Variants in RGS12 observed in about 807,000 individuals in gnomAD.
The protein encoded by RGS12 is regulator of G protein signaling 12, also known as regulator of G-protein signaling 12.
RGS12 carries 66 observed loss-of-function variants against 120.1 expected under a neutral mutation model. The ratio of observed to expected loss-of-function variants is 0.55; its 90% confidence interval spans 0.45 to 0.67. RGS12 has a LOEUF of 0.67. Ranked by LOEUF, RGS12 falls within the 30% of genes least tolerant of loss-of-function variation. The pLI, the probability that RGS12 is intolerant of heterozygous loss-of-function variation, is 0.00. For synonymous variants in RGS12, 827 were observed against 804.7 expected (o/e 1.03, Z -0.47); for missense variants, 1,859 against 1,957.7 (o/e 0.95, Z 0.95).
intron 4 of RGS12, among the ~76,000 whole-genome samples, chr4:3,412,193 C>T (rs1389579033): frequency 1.3e-5 from 2 of 152,194 alleles, no homozygotes; most frequent in Non-Finnish European, 2.9e-5. Flanking sequence ...TGACTCCTGC[C>T]GAGCGTAGCC....
chr4:3,394,875 A>T (rs889157115), intron 4 of RGS12, among the ~76,000 whole-genome samples: 3 of 152,180 alleles, frequency 2.0e-5, no homozygotes, highest in African/African-American at 7.2e-5. Flanking sequence ...AACTTAAAAA[A>T]AAAAGAAGAC....
chr4:3,297,747 C>T (rs1413437951), intron 1 of RGS12, among the ~76,000 whole-genome samples: 1 of 152,204 alleles, frequency 6.6e-6, no homozygotes, highest in African/African-American at 2.4e-5. Context: ...TTGCCCTGGT[C>T]TCCAGGAGAC....
rs186664669 is a variant in RGS12 at position 3,391,311 on chromosome 4, G to A, written c.2020+4874G>A. On this transcript the variant is annotated intron_variant, in intron 4 of 17. Transcript: ENST00000336727. ...CTTGATTTCTGCCAGGATGCCTTCC[G>A]ATGTACTTGTTTCTTTCCAATTCTA... Among the ~76,000 whole-genome samples, 8 of 152,310 alleles carry A rather than the reference G, an allele frequency of 5.3e-5. No individual in the cohort carries two copies. In the East Asian group the frequency reaches 1.3e-3, roughly 26 times the overall value.
chr4:3,429,106 C>G (rs1723975367), intron 16 of RGS12, among the ~76,000 whole-genome samples: 1 of 152,196 alleles, frequency 6.6e-6, no homozygotes, highest in African/African-American at 2.4e-5. Flanking sequence ...GAGCTGGGCA[C>G]CCAGGTGAGG....
intron 3 of RGS12, among the ~76,000 whole-genome samples, chr4:3,351,012 G>C (rs941083547): frequency 6.6e-6 from 1 of 151,824 alleles, no homozygotes; most frequent in Non-Finnish European, 1.5e-5. Flanking sequence ...TTGACAAAAC[G>C]GAACTTTTAT....
At chr4:3,423,465 C>T (rs1385079054) in intron 12 of RGS12, 50 bp from the exon 13 acceptor site, 2 of 1,607,678 alleles carry the variant, frequency 1.2e-6, no homozygotes, top group Non-Finnish European at 1.7e-6. Context: ...GACTGATCTC[C>T]TAATGAGGGC....
intron 17 of RGS12, among the ~76,000 whole-genome samples, chr4:3,438,928 G>T (rs1725061343): frequency 6.6e-6 from 1 of 152,104 alleles, no homozygotes; most frequent in Non-Finnish European, 1.5e-5. Flanking sequence ...AGGCAGCGAG[G>T]CAGGTGGGCG....
intron 2 of RGS12, among the ~76,000 whole-genome samples, chr4:3,334,134 C>T (rs75647056): frequency 0.038 from 5,822 of 152,202 alleles, 290 homozygotes; most frequent in African/African-American, 0.12. Context: ...TTATGCATGC[C>T]AGCTCTTATG....
chr4:3,388,727 T>G (rs1458015746), intron 4 of RGS12, among the ~76,000 whole-genome samples: 1 of 152,158 alleles, frequency 6.6e-6, no homozygotes, highest in Non-Finnish European at 1.5e-5. Context: ...CACCCTGCCC[T>G]CCACGGCAGT....
At position 3,428,689 on chromosome 4, in the gene RGS12, A is replaced by C; in HGVS notation, c.3543A>C (p.Lys1181Asn). The C allele has an allele frequency of 6.3e-7, 1 of 1,594,840 alleles. No homozygotes were observed. The highest frequency in any genetic ancestry group is 8.5e-7 in the Non-Finnish European group (1 of 1,175,130). The change falls in exon 16 of 18, where the codon AAA becomes AAC. Residue 1181 changes from lysine to asparagine, a missense_variant. By Grantham distance (94) the Lys-to-Asn change is moderately conservative. Transcript: ENST00000336727. ...IAKIGKKKYQ[K>N]INLDEAEEFF... Reference sequence around the variant, plus strand: ...AGATTGGGAAAAAAAAATATCAGAAAATTAATTTGGACGAAGCAGAGGGTA... The same window carrying C: ...AGATTGGGAAAAAAAAATATCAGAACATTAATTTGGACGAAGCAGAGGGTA...
intron 17 of RGS12, among the ~76,000 whole-genome samples, chr4:3,435,260 G>C (rs556119119): frequency 6.6e-6 from 1 of 152,142 alleles, no homozygotes; most frequent in Non-Finnish European, 1.5e-5. Flanking sequence ...CCCTGGGGGT[G>C]AAAGTACCCC....
rs375981480 is a variant in RGS12, at chr4:3,316,735, C to A, written c.565C>A (p.Pro189Thr). The A allele has an allele frequency of 2.2e-5, 35 of 1,614,094 alleles. No homozygotes were observed. The highest frequency in any genetic ancestry group is 2.9e-5 in the Non-Finnish European group (34 of 1,180,044). The stretch of plus-strand genomic sequence containing the variant: ...TGTTGGACATGAAAGTATAAATAAT[C>A]CAAATCCCAACATGCTTTCTAAGGA... The part of the protein sequence containing the change: ...FDVGHESINN[P>T]NPNMLSKEEI... The change falls in exon 2 of 18, where the codon CCA becomes ACA. Residue 189 changes from proline (P) to threonine (T), a missense_variant. This residue lies in a region of RGS12 where 967 missense variants were observed against 994.2 expected (regional missense o/e 0.97). Transcript: ENST00000336727.
chr4:3,356,421 A>G (rs1361349449), intron 3 of RGS12, among the ~76,000 whole-genome samples: 1 of 152,086 alleles, frequency 6.6e-6, no homozygotes, highest in African/African-American at 2.4e-5. Context: ...ATTTTTCAAT[A>G]TGCAGTTCAG....
At chr4:3,419,644 C>T (rs1248920788) in intron 9 of RGS12, 1 of 152,022 alleles carries the variant, frequency 6.6e-6, no homozygotes, top group African/African-American at 2.4e-5. Context: ...CAGCAAGACA[C>T]TCATCTCTAC....
intron 2 of RGS12, chr4:3,342,475 C>A (rs748150139): frequency 1.6e-6 from 2 of 1,288,918 alleles, no homozygotes; most frequent in South Asian, 2.5e-5. Context: ...CTTAGGGATT[C>A]TTTCATTTCC....
At chr4:3,417,643 A>C in intron 9 of RGS12, 102 bp downstream of exon 9, 1 of 1,262,966 alleles carries the variant, frequency 7.9e-7, no homozygotes. Flanking sequence ...CCATGTGTGC[A>C]GTGAGAGGCC....
At chr4:3,436,484 G>A (rs1407523214) in intron 17 of RGS12, among the ~76,000 whole-genome samples, 9 of 152,292 alleles carry the variant, frequency 5.9e-5, no homozygotes, top group Admixed American at 3.3e-4. Flanking sequence ...CCTGGGGGAC[G>A]GGGTCCCTCG....
At chr4:3,293,475 G>T (rs1200778912) in intron 1 of RGS12, among the ~76,000 whole-genome samples, 4 of 151,484 alleles carry the variant, frequency 2.6e-5, no homozygotes, top group East Asian at 1.9e-4. Flanking sequence ...GGCGAGATGC[G>T]CCCGGGAGCG....
intron 4 of RGS12, among the ~76,000 whole-genome samples, chr4:3,394,509 C>T (rs1173253936): frequency 6.6e-6 from 1 of 152,132 alleles, no homozygotes; most frequent in Non-Finnish European, 1.5e-5. Flanking sequence ...ATGTAGGTAA[C>T]AAATATCTAA....
Sources: allele counts gnomAD v4.1 joint callset (sites outside exome capture counted in the v4.1 genomes callset), GRCh38; gene constraint gnomAD v4.1.1; regional missense constraint gnomAD v4.1.1; transcripts MANE v1.5; gene names NCBI Gene and HGNC (gene_info 2026-07-23, HGNC 2026-07-21).